The following ZNF385D variants were observed in gnomAD, a reference collection of about 807,000 sequenced individuals.
The protein encoded by ZNF385D is zinc finger protein 385D.
In ZNF385D, 15 loss-of-function variants were observed where a neutral mutation model predicts 35.8. The ratio of observed to expected loss-of-function variants is 0.42; its 90% CI spans 0.28 to 0.64. ZNF385D has a LOEUF of 0.64. Among genes scored for constraint, ZNF385D ranks in the 30% least tolerant of loss-of-function variants. The pLI is 0.23. For synonymous variants in ZNF385D, 212 were observed against 186.8 expected (o/e 1.13, Z -1.10); for missense variants, 474 against 494.6 (o/e 0.96, Z 0.39).
intron 3 of ZNF385D, among the ~76,000 whole-genome samples, chr3:21,933,437 G>A (rs190711951): frequency 7.3e-4 from 111 of 152,228 alleles, no homozygotes; most frequent in African/African-American, 2.6e-3. Context: ...ACTATTGATG[G>A]TAATTTAAGA....
chr3:21,733,335 T>A (rs948537927), intron 1 of ZNF385D, among the ~76,000 whole-genome samples: 1 of 152,158 alleles, frequency 6.6e-6, no homozygotes, highest in African/African-American at 2.4e-5. Context: ...TTCAACTTTG[T>A]CCTCCTTCAA....
At chr3:21,746,686 TGAG>T in intron 1 of ZNF385D, among the ~76,000 whole-genome samples, 1 of 152,232 alleles carries the variant, frequency 6.6e-6, no homozygotes. Context: ...AAACAGTGGC[TGAG>T]TGTTTAGAAA....
Position 21,478,892 on chromosome 3 carries a change from G to C in ZNF385D, c.439+31969C>G, listed in dbSNP as rs1260131365. 3.3e-5 allele frequency among the ~76,000 whole-genome samples: 5 copies of C among 152,064 alleles called. No homozygotes were observed. The East Asian group carries it at 9.7e-4, about 29-fold the overall frequency. ...TCAAATTTAGCAGCAGGAAAATTTG[G>C]AGGAGAAGGGAATCACAGGAGGTTT... is the stretch of plus-strand genomic sequence containing the variant. On this transcript the variant is annotated intron_variant, in intron 4 of 7. Coordinates refer to ENST00000281523, the MANE Select transcript of ZNF385D (RefSeq NM_024697.3).
intron 3 of ZNF385D, among the ~76,000 whole-genome samples, chr3:22,010,692 C>T (rs1473050310): frequency 6.6e-6 from 1 of 152,156 alleles, no homozygotes; most frequent in Non-Finnish European, 1.5e-5. Flanking sequence ...ATCCCAGACT[C>T]ACCTCGCTCA....
chr3:21,969,236 T>A (rs547696494), intron 3 of ZNF385D, among the ~76,000 whole-genome samples: 3 of 152,208 alleles, frequency 2.0e-5, no homozygotes, highest in Admixed American at 2.0e-4. Context: ...ATGTTTAGGC[T>A]TTGTGCCCCC....
intron 3 of ZNF385D, among the ~76,000 whole-genome samples, chr3:21,931,036 G>T (rs190441390): frequency 2.8e-4 from 43 of 151,766 alleles, no homozygotes; most frequent in Non-Finnish European, 7.4e-5. Context: ...GTCATATAAG[G>T]GAAAAATATA....
chr3:21,667,283 T>G (rs946253611), intron 1 of ZNF385D, among the ~76,000 whole-genome samples: 18 of 152,140 alleles, frequency 1.2e-4, no homozygotes, highest in African/African-American at 4.1e-4. Flanking sequence ...CACCTCAGCC[T>G]CCCAAGTGGC....
chr3:21,921,967 G>T (rs907185847), intron 3 of ZNF385D, among the ~76,000 whole-genome samples: 17 of 152,168 alleles, frequency 1.1e-4, no homozygotes, highest in African/African-American at 3.9e-4. Flanking sequence ...AAAAATTGAG[G>T]AGGAAGCACT....
At chr3:22,352,157 G>A (rs980340953) in intron 2 of ZNF385D, among the ~76,000 whole-genome samples, 16 of 152,148 alleles carry the variant, frequency 1.1e-4, no homozygotes, top group African/African-American at 3.9e-4. Flanking sequence ...GTTTAAGTAG[G>A]AGGTAATTTA....
chr3:22,133,423 G>C (rs775584023), intron 3 of ZNF385D, among the ~76,000 whole-genome samples: 7 of 151,862 alleles, frequency 4.6e-5, no homozygotes, highest in Non-Finnish European at 1.0e-4. Context: ...GAAAAGAGAA[G>C]AGGAGGGAGA....
At chr3:21,463,370 A>G (rs1040818760) in intron 4 of ZNF385D, among the ~76,000 whole-genome samples, 1 of 152,250 alleles carries the variant, frequency 6.6e-6, no homozygotes, top group Non-Finnish European at 1.5e-5. Context: ...TACTTTTACA[A>G]TATATTGCTT....
At chr3:21,497,821 C>G (rs1426619134) in intron 4 of ZNF385D, among the ~76,000 whole-genome samples, 1 of 152,076 alleles carries the variant, frequency 6.6e-6, no homozygotes, top group Non-Finnish European at 1.5e-5. Context: ...TGCACTCCAG[C>G]TTGGGCAACA....
Position 22,193,056 on chromosome 3 carries a change from G to A in ZNF385D, c.107-24021C>T, listed in dbSNP as rs545040826. On this transcript the variant is annotated intron_variant, in intron 2 of 5. Transcript: ENST00000494108. ...ATATACTTACATTAATCTCAGATAA[G>A]ACAAGAGTAACCGTTTATAACACTC... Among the ~76,000 whole-genome samples the A allele has an allele frequency of 2.0e-5, 3 of 152,276 alleles. No homozygotes were observed. In the East Asian group the frequency reaches 5.8e-4, roughly 29 times the overall value.
At chr3:22,121,924 A>C (rs761986427) in intron 3 of ZNF385D, among the ~76,000 whole-genome samples, 1 of 152,110 alleles carries the variant, frequency 6.6e-6, no homozygotes, top group Non-Finnish European at 1.5e-5. Flanking sequence ...TCAAGGGGCT[A>C]ATCTTAAGAC....
At chr3:21,555,400 A>C (rs906591368) in intron 3 of ZNF385D, among the ~76,000 whole-genome samples, 5 of 151,878 alleles carry the variant, frequency 3.3e-5, no homozygotes, top group Non-Finnish European at 7.4e-5. Flanking sequence ...CTGGTGTGTG[A>C]TGTTCCCTTC....
At chr3:21,790,049 A>T (rs927021204) in intron 3 of ZNF385D, among the ~76,000 whole-genome samples, 6 of 152,218 alleles carry the variant, frequency 3.9e-5, no homozygotes, top group African/African-American at 1.4e-4. Flanking sequence ...AAGGGCCAAG[A>T]TGTAGAGCAT....
At position 22,208,426 on chromosome 3, in the gene ZNF385D, G is replaced by C. The variant is rs145865520; in HGVS notation, c.107-39391C>G. Among the ~76,000 whole-genome samples the C allele has an allele frequency of 2.6e-3, 390 of 151,182 alleles. 1 individual carries two copies. The highest frequency in any genetic ancestry group is 8.7e-3 in the African/African-American group (360 of 41,402). On this transcript the variant is annotated intron_variant, in intron 2 of 5. Transcript: ENST00000494108. ...CATGAACATAGAGAGTGGAAAGATG[G>C]TTACCAGAGGCTGGCAAGTGTGGGG... is the stretch of plus-strand genomic sequence containing the variant.
rs183194190 is a variant in ZNF385D, at chr3:22,357,456, G to C, written c.106+14994C>G. On this transcript the variant is annotated intron_variant, in intron 2 of 5. Transcript: ENST00000494108. The stretch of plus-strand genomic sequence containing the variant: ...GATTTTAAGGTGACTGAAAAGTTTA[G>C]TAGAAAACTTGGAAGTGCAGATATA... 1.2e-3 allele frequency among the ~76,000 whole-genome samples: 178 copies of C among 151,854 alleles called. 1 individual carries two copies. The highest frequency in any genetic ancestry group is 0.01 in the Middle Eastern group (3 of 292).
intron 2 of ZNF385D, among the ~76,000 whole-genome samples, chr3:22,250,771 T>A (rs1700021137): frequency 6.6e-6 from 1 of 152,060 alleles, no homozygotes; most frequent in South Asian, 2.1e-4. Context: ...AGTCATCAAG[T>A]GAGCAAAGGG....
Sources: gnomAD v4.1 joint callset for allele counts (sites outside exome capture counted in the v4.1 genomes callset) on GRCh38, gnomAD v4.1.1 for gene constraint, MANE v1.5 for transcripts, NCBI Gene and HGNC (gene_info 2026-07-23, HGNC 2026-07-21) for gene names.